The following EYA2 variants were observed in gnomAD, a reference collection of about 807,000 sequenced individuals.
The protein encoded by EYA2 is protein phosphatase EYA2.
A neutral mutation model predicts 69.2 loss-of-function variants in EYA2; 31 were observed. The observed-to-expected ratio is 0.45, with a 90% CI of 0.34 to 0.60. The LOEUF (loss-of-function observed/expected upper bound fraction) is 0.60, where lower values mean the gene tolerates loss of function less well. Among genes scored for constraint, EYA2 ranks in the 20% least tolerant of loss-of-function variants. The pLI is 0.02. For missense variants in EYA2, 622 were observed against 701.2 expected, an observed-to-expected ratio of 0.89 and a Z score of 1.28; for synonymous variants, 257 against 279.4, an observed-to-expected ratio of 0.92 and a Z score of 0.80.
chr20:47,046,427 C>T (rs2146425472), intron 5 of EYA2, among the ~76,000 whole-genome samples: 1 of 152,264 alleles, frequency 6.6e-6, no homozygotes, highest in African/African-American at 2.4e-5. Flanking sequence ...AGTGGGGGAA[C>T]CAGCATGTAG....
At chr20:47,018,663 T>C (rs1983559887) in intron 5 of EYA2, among the ~76,000 whole-genome samples, 1 of 152,208 alleles carries the variant, frequency 6.6e-6, no homozygotes, top group African/African-American at 2.4e-5. Flanking sequence ...GCTCACAGTG[T>C]TCAAGGACTC....
intron 10 of EYA2, among the ~76,000 whole-genome samples, chr20:47,154,099 G>A (rs2033874841): frequency 6.6e-6 from 1 of 152,006 alleles, no homozygotes; most frequent in Non-Finnish European, 1.5e-5. Context: ...CAGTTCTGCA[G>A]GCTGGAAGTC....
chr20:46,974,950 T>C (rs959852934), intron 1 of EYA2, among the ~76,000 whole-genome samples: 29 of 152,296 alleles, frequency 1.9e-4, no homozygotes, highest in African/African-American at 6.0e-4. Context: ...AATGCAGACA[T>C]CTGAACTTGC....
At chr20:46,994,842 G>A (rs968647203) in intron 2 of EYA2, among the ~76,000 whole-genome samples, 3 of 151,876 alleles carry the variant, frequency 2.0e-5, no homozygotes, top group Non-Finnish European at 4.4e-5. Flanking sequence ...AAATGTCATA[G>A]TCTCGAGCCA....
chr20:46,906,226 C>T (rs2146216743), intron 1 of EYA2, among the ~76,000 whole-genome samples: 1 of 152,336 alleles, frequency 6.6e-6, no homozygotes, highest in South Asian at 2.1e-4. Flanking sequence ...ACAGCCATGG[C>T]AGAGTTCATG....
At position 47,060,851 on chromosome 20, in the gene EYA2, C is replaced by CT. The variant is rs35809050; in HGVS notation, c.416-11314dup. Among the ~76,000 whole-genome samples, 1,152 of 125,618 alleles carry CT rather than the reference C, an allele frequency of 9.2e-3. 8 individuals are homozygous for CT. The highest frequency in any genetic ancestry group is 0.018 in the African/African-American group (601 of 32,828). 82.4% of individuals were successfully genotyped at this position (125,618 alleles called of 152,430 possible). On this transcript the variant is annotated intron_variant, in intron 5 of 15. Transcript: ENST00000327619. The stretch of plus-strand genomic sequence containing the variant: ...CATCTTCATCAATCGCTCTCTCTCT[C>CT]TTTTTTTTTTTTTTTTTTTTGGAAA...
chr20:46,985,203 C>G (rs1981105150), intron 1 of EYA2, among the ~76,000 whole-genome samples: 1 of 152,216 alleles, frequency 6.6e-6, no homozygotes, highest in Admixed American at 6.5e-5. Flanking sequence ...TTTCCTTCCT[C>G]CCTGTCTCTC....
intron 5 of EYA2, among the ~76,000 whole-genome samples, chr20:47,023,422 ACT>A (rs542215950): frequency 7.2e-5 from 11 of 151,810 alleles, no homozygotes; most frequent in Non-Finnish European, 1.5e-4. Flanking sequence ...GTTCATTGAG[ACT>A]CTTAGATCTG....
chr20:47,019,214 C>G (rs1600644313), intron 5 of EYA2, among the ~76,000 whole-genome samples: 1 of 152,190 alleles, frequency 6.6e-6, no homozygotes, highest in African/African-American at 2.4e-5. Context: ...CACCAGCCAA[C>G]GTCTCCAGCT....
intron 10 of EYA2, among the ~76,000 whole-genome samples, chr20:47,164,380 T>G (rs1227343646): frequency 3.3e-5 from 5 of 152,164 alleles, no homozygotes; most frequent in African/African-American, 1.2e-4. Context: ...CCAAATGCCT[T>G]TCCTCTGACA....
intron 10 of EYA2, among the ~76,000 whole-genome samples, chr20:47,147,650 G>T (rs1055180987): frequency 6.6e-6 from 1 of 152,210 alleles, no homozygotes; most frequent in Non-Finnish European, 1.5e-5. Flanking sequence ...TTCAGAAGCT[G>T]CCTCTGGCTG....
intron 1 of EYA2, among the ~76,000 whole-genome samples, chr20:46,973,894 C>T (rs1349465427): frequency 6.6e-6 from 1 of 152,014 alleles, no homozygotes; most frequent in Non-Finnish European, 1.5e-5. Context: ...TGAATCGCTG[C>T]ATGGCTCTTT....
At chr20:46,941,642 T>G (rs1370266066) in intron 1 of EYA2, among the ~76,000 whole-genome samples, 1 of 152,248 alleles carries the variant, frequency 6.6e-6, no homozygotes, top group African/African-American at 2.4e-5. Context: ...TTTCCTCACA[T>G]GTATCATGGA....
At chr20:46,960,035 T>C (rs1042744175) in intron 1 of EYA2, among the ~76,000 whole-genome samples, 3 of 152,230 alleles carry the variant, frequency 2.0e-5, no homozygotes, top group African/African-American at 7.2e-5. Flanking sequence ...AGTGCCCCTC[T>C]GGCCACACTG....
chr20:47,116,231 G>A (rs1463373550), intron 9 of EYA2, among the ~76,000 whole-genome samples: 1 of 138,830 alleles, frequency 7.2e-6, no homozygotes, highest in Non-Finnish European at 1.5e-5. Context: ...AGGCTGGAGT[G>A]CAGTGGTGCA....
chr20:47,172,185 G>A (rs1354477982), intron 11 of EYA2, among the ~76,000 whole-genome samples: 9 of 152,156 alleles, frequency 5.9e-5, no homozygotes, highest in African/African-American at 1.9e-4. Context: ...TATAATCCCA[G>A]CACTTTGGGA....
chr20:47,178,524 G>A (rs1233067861), intron 12 of EYA2, among the ~76,000 whole-genome samples: 5 of 152,058 alleles, frequency 3.3e-5, no homozygotes, highest in Non-Finnish European at 5.9e-5. Context: ...ACAGCGGCAG[G>A]AGATGAAACT....
chr20:46,901,433 A>G (rs1345575372), intron 1 of EYA2: 1 of 152,146 alleles, frequency 6.6e-6, no homozygotes, highest in African/African-American at 2.4e-5. Flanking sequence ...TCACCTTTAA[A>G]TCTCTATTGA....
chr20:47,017,061 A>G (rs923568552), intron 5 of EYA2, among the ~76,000 whole-genome samples: 6 of 151,782 alleles, frequency 4.0e-5, no homozygotes, highest in African/African-American at 1.5e-4. Flanking sequence ...CCATTGTGTA[A>G]CCCTCCACCC....
Sources: gnomAD v4.1 joint callset for allele counts (sites outside exome capture counted in the v4.1 genomes callset) on GRCh38, gnomAD v4.1.1 for gene constraint, MANE v1.5 for transcripts, NCBI Gene and HGNC (gene_info 2026-07-23, HGNC 2026-07-21) for gene names.